REEP1: variants seen among roughly 807,000 people sequenced by gnomAD.
REEP1 encodes the protein receptor expression-enhancing protein 1.
Under a neutral mutation model 40.3 loss-of-function variants are expected in REEP1, and 22 were observed. That is an observed-to-expected ratio of 0.55 (90% CI 0.39 to 0.78). REEP1 has a LOEUF of 0.78. Among genes scored for constraint, REEP1 ranks in the 30% least tolerant of loss-of-function variants. REEP1 has a pLI of 0.00. For missense variants in REEP1, 280 were observed against 361.1 expected, an observed-to-expected ratio of 0.78 and a Z score of 1.82; for synonymous variants, 116 against 139.2, an observed-to-expected ratio of 0.83 and a Z score of 1.17.
In REEP1 at chr2:86,297,632, T is replaced by C. The variant is rs899799211; in HGVS notation, c.33-15390A>G. On this transcript the variant is annotated intron_variant, in intron 1 of 8. Transcript: ENST00000538924. Reference sequence around the variant, plus strand: ...AACAGCCACTACCTGCAAGAGAGATTCTCCCCGGGGGTTGGAGGGAGGAAG... The same window carrying C: ...AACAGCCACTACCTGCAAGAGAGATCCTCCCCGGGGGTTGGAGGGAGGAAG... 3.4e-6 allele frequency: 3 copies of C among 887,108 alleles called. No individual in the cohort carries two copies. The African/African-American group carries it at 5.4e-5, about 16-fold the overall frequency. 55.0% of individuals were successfully genotyped at this position (887,108 alleles called of 1,614,324 possible). A position where few individuals can be genotyped will look rare whatever the true frequency, so the allele number is the denominator to read the frequency against.
rs541858290 is a variant in REEP1, at chr2:86,266,408, A to G, written c.106-2367T>C. On this transcript the variant is annotated intron_variant, in intron 2 of 8. Transcript: ENST00000538924. Reference sequence around the variant, plus strand: ...GCCGAGGCGGGTGGATCATGAGGTCAGGAGATCGAGACCATCCTGGCTAAC... The same window carrying G: ...GCCGAGGCGGGTGGATCATGAGGTCGGGAGATCGAGACCATCCTGGCTAAC... Among the ~76,000 whole-genome samples, 143 of 151,644 alleles carry G rather than the reference A, an allele frequency of 9.4e-4. 2 individuals carry two copies. The highest frequency in any genetic ancestry group is 1.1e-3 in the Non-Finnish European group (76 of 67,874).
intron 7 of REEP1, among the ~76,000 whole-genome samples, chr2:86,225,838 G>A (rs953687566): frequency 1.3e-5 from 2 of 152,222 alleles, no homozygotes; most frequent in African/African-American, 4.8e-5. Context: ...GCCTAAGGCA[G>A]CTTCTCTATG....
Position 86,337,445 on chromosome 2 carries a change from G to A in REEP1, c.32+34C>T. The A allele has an allele frequency of 8.1e-7, 1 of 1,236,168 alleles. No homozygotes were observed. Among genetic ancestry groups the A allele is most frequent in the Non-Finnish European group, 1.0e-6 (1 of 983,576 alleles). The allele number at this position is 1,236,168 out of a possible 1,614,324, so 76.6% of individuals were successfully genotyped here. A position where few individuals can be genotyped will look rare whatever the true frequency, so the allele number is the denominator to read the frequency against. On this transcript the variant is annotated intron_variant, in intron 1 of 8. Coordinates refer to ENST00000538924, the MANE Select transcript of REEP1 (RefSeq NM_001371279.1). This position sits in a 1 kb window ranked among gnomAD's most constrained non-coding sequence, Gnocchi z 5.8. ...CCCGGGGCCGGGGGCGGGGAGGGAGGGGACGGAGGGGCGCGGGGGAGAAGG... is the reference window on the plus strand; with the variant it reads ...CCCGGGGCCGGGGGCGGGGAGGGAGAGGACGGAGGGGCGCGGGGGAGAAGG...
intron 1 of REEP1, among the ~76,000 whole-genome samples, chr2:86,287,549 T>G (rs1678461918): frequency 6.6e-6 from 1 of 152,254 alleles, no homozygotes; most frequent in Non-Finnish European, 1.5e-5. Flanking sequence ...AATTTTGAAT[T>G]ATGTTTTCTG....
intron 1 of REEP1, among the ~76,000 whole-genome samples, chr2:86,283,199 A>G (rs1311313965): frequency 6.6e-6 from 1 of 152,208 alleles, no homozygotes; most frequent in Non-Finnish European, 1.5e-5. Context: ...CAGCACTGTA[A>G]GTGCCTTGAG....
intron 5 of REEP1, among the ~76,000 whole-genome samples, chr2:86,244,480 T>C (rs1558883756): frequency 6.6e-6 from 1 of 152,232 alleles, no homozygotes; most frequent in Non-Finnish European, 1.5e-5. Flanking sequence ...CTATCGCCTG[T>C]TGGCCGCTGA....
chr2:86,298,239 T>C (rs1679077930), intron 1 of REEP1, among the ~76,000 whole-genome samples: 1 of 152,124 alleles, frequency 6.6e-6, no homozygotes, highest in Admixed American at 6.5e-5. Context: ...TAAAGGTGCC[T>C]GGCCAGGACC....
At chr2:86,308,621 C>G (rs750388703) in intron 1 of REEP1, among the ~76,000 whole-genome samples, 1 of 152,136 alleles carries the variant, frequency 6.6e-6, no homozygotes, top group Admixed American at 6.5e-5. Flanking sequence ...AGGAGCTTGC[C>G]GTGACAACTG....
chr2:86,236,033 A>G (rs1165671642), intron 5 of REEP1, among the ~76,000 whole-genome samples: 2 of 152,172 alleles, frequency 1.3e-5, no homozygotes, highest in African/African-American at 4.8e-5. Context: ...GCTGACCAAC[A>G]TGGTGAAACC....
At chr2:86,231,289 C>T (rs531101371) in intron 6 of REEP1, among the ~76,000 whole-genome samples, 8 of 152,316 alleles carry the variant, frequency 5.3e-5, no homozygotes, top group Non-Finnish European at 1.0e-4. Context: ...CCCCCACAGC[C>T]GAGCCTCCAC....
intron 1 of REEP1, among the ~76,000 whole-genome samples, chr2:86,332,187 G>A (rs185922392): frequency 2.1e-4 from 32 of 152,166 alleles, no homozygotes; most frequent in Admixed American, 1.8e-3. Flanking sequence ...CCAACTTCCA[G>A]TTCCTCAAGA....
chr2:86,222,175 A>T (rs551348962), intron 7 of REEP1, among the ~76,000 whole-genome samples: 1 of 152,348 alleles, frequency 6.6e-6, no homozygotes, highest in East Asian at 1.9e-4. Flanking sequence ...AATCACCATC[A>T]TCACTATAAT....
intron 2 of REEP1, among the ~76,000 whole-genome samples, chr2:86,274,863 C>G (rs1677659634): frequency 6.6e-6 from 1 of 152,182 alleles, no homozygotes; most frequent in Non-Finnish European, 1.5e-5. Flanking sequence ...CAGCAAGAAG[C>G]TCCAGAGCTC....
intron 3 of REEP1, among the ~76,000 whole-genome samples, chr2:86,256,184 T>TA (rs374154329): frequency 6.6e-6 from 1 of 151,602 alleles, no homozygotes; most frequent in Non-Finnish European, 1.5e-5. Flanking sequence ...CCGTCTCTAC[T>TA]AAAAAATACA....
chr2:86,245,834 G>A (rs1675913490), intron 5 of REEP1, among the ~76,000 whole-genome samples: 1 of 147,466 alleles, frequency 6.8e-6, no homozygotes, highest in South Asian at 2.1e-4. Flanking sequence ...GTGCTATCTT[G>A]GCTCACTGCA....
At chr2:86,309,057 T>C (rs372925808) in intron 1 of REEP1, among the ~76,000 whole-genome samples, 1 of 152,354 alleles carries the variant, frequency 6.6e-6, no homozygotes, top group African/African-American at 2.4e-5. Flanking sequence ...CATCCACCTT[T>C]AGGCCTGACA....
chr2:86,266,650 T>A (rs1420855750), intron 2 of REEP1, among the ~76,000 whole-genome samples: 8 of 145,894 alleles, frequency 5.5e-5, no homozygotes, highest in South Asian at 2.1e-4. Context: ...AAAATAAAAA[T>A]AAAAAAAATA....
intron 1 of REEP1, among the ~76,000 whole-genome samples, chr2:86,332,375 C>G (rs542278528): frequency 6.6e-6 from 1 of 151,632 alleles, no homozygotes; most frequent in South Asian, 2.1e-4. Context: ...AAAGGTGCCA[C>G]GTGCTATGGC....
chr2:86,286,969 A>G (rs934816048), intron 1 of REEP1, among the ~76,000 whole-genome samples: 1 of 152,252 alleles, frequency 6.6e-6, no homozygotes, highest in African/African-American at 2.4e-5. Context: ...TCTTTATACC[A>G]TTAAAAAACA....
Sources: gnomAD v4.1 joint callset for allele counts (sites outside exome capture counted in the v4.1 genomes callset) on GRCh38, gnomAD v4.1.1 for gene constraint, Gnocchi (gnomAD v3.1) non-coding constraint, MANE v1.5 for transcripts, NCBI Gene and HGNC (gene_info 2026-07-23, HGNC 2026-07-21) for gene names.